SYNPO2: variants seen among roughly 807,000 people sequenced by gnomAD.
SYNPO2 encodes the protein synaptopodin-2.
In SYNPO2, 56 loss-of-function variants were observed where a neutral mutation model predicts 85.0. The observed-to-expected ratio is 0.66, with a 90% CI of 0.53 to 0.82. SYNPO2 has a LOEUF of 0.82. Among genes scored for constraint, SYNPO2 ranks in the 40% least tolerant of loss-of-function variants. SYNPO2 has a pLI of 0.00. For missense variants in SYNPO2, 1,575 were observed against 1,534.2 expected (o/e 1.03, Z -0.44); for synonymous variants, 602 against 591.1 (o/e 1.02, Z -0.27).
intron 1 of SYNPO2, among the ~76,000 whole-genome samples, chr4:118,877,015 A>G (rs1271401680): frequency 1.3e-5 from 2 of 151,372 alleles, no homozygotes; most frequent in African/African-American, 4.9e-5. Context: ...TATGTTGCCT[A>G]GGCTGGTCTT....
intron 1 of SYNPO2, among the ~76,000 whole-genome samples, chr4:119,007,233 T>TTTATATAC (rs1468331450): frequency 2.4e-5 from 1 of 42,090 alleles, no homozygotes; most frequent in African/African-American, 9.9e-5. Context: ...TATATATATA[T>TTTATATAC]ATATATATAT....
At chr4:118,951,741 A>C (rs994347586) in intron 1 of SYNPO2, among the ~76,000 whole-genome samples, 1 of 152,228 alleles carries the variant, frequency 6.6e-6, no homozygotes, top group Non-Finnish European at 1.5e-5. Flanking sequence ...TGAATTTTTC[A>C]TAATAAAATT....
chr4:118,869,430 G>A (rs533682463), intron 1 of SYNPO2, among the ~76,000 whole-genome samples: 7 of 152,268 alleles, frequency 4.6e-5, no homozygotes, highest in African/African-American at 1.4e-4. Flanking sequence ...TTGAAATCTG[G>A]AAATATAAAA....
chr4:118,851,504 CAA>C (rs1314106884), intron 1 of SYNPO2, among the ~76,000 whole-genome samples: 1 of 151,842 alleles, frequency 6.6e-6, no homozygotes, highest in Admixed American at 6.6e-5. Flanking sequence ...AAACAAAAAA[CAA>C]AAACGAAGAT....
At chr4:119,056,026 A>G (rs956899826) in intron 4 of SYNPO2, among the ~76,000 whole-genome samples, 6 of 152,202 alleles carry the variant, frequency 3.9e-5, no homozygotes, top group African/African-American at 1.4e-4. Context: ...ATTAGAGCAC[A>G]TTTTTAAGCA....
At chr4:118,892,104 C>G (rs1465465122) in intron 1 of SYNPO2, among the ~76,000 whole-genome samples, 1 of 152,098 alleles carries the variant, frequency 6.6e-6, no homozygotes, top group African/African-American at 2.4e-5. Context: ...TATTTAGTCA[C>G]TTCTGAGATA....
intron 1 of SYNPO2, among the ~76,000 whole-genome samples, chr4:118,855,298 G>A (rs1235773496): frequency 6.6e-6 from 1 of 152,016 alleles, no homozygotes; most frequent in Non-Finnish European, 1.5e-5. Flanking sequence ...AAATTTAAGA[G>A]AATCTAAATT....
chr4:119,060,794 G>T lies in SYNPO2; in HGVS notation c.*2860G>T, dbSNP rs1739387168. On this transcript the variant is annotated 3_prime_UTR_variant, in exon 5 of 5. Coordinates refer to ENST00000307142, the MANE Select transcript of SYNPO2 (RefSeq NM_133477.3). ...CTTTTCCTCCTTCTTAGGTTTAAAT[G>T]TTATACCAATGCATGTGTTTGAAAT... is the stretch of plus-strand genomic sequence containing the variant. 6.6e-6 allele frequency: 1 copy of T among 152,162 alleles called. No homozygotes were observed. Among genetic ancestry groups the T allele is most frequent in the Non-Finnish European group, 1.5e-5 (1 of 68,010 alleles). The allele number at this position is 152,162 out of a possible 1,614,324, so 9.4% of individuals were successfully genotyped here.
At chr4:119,050,757 C>T (rs1375080013) in intron 4 of SYNPO2, among the ~76,000 whole-genome samples, 1 of 152,128 alleles carries the variant, frequency 6.6e-6, no homozygotes, top group Non-Finnish European at 1.5e-5. Context: ...TAAAGATTGG[C>T]GTGTGCTCTC....
chr4:119,033,662 C>G, intron 4 of SYNPO2: 1 of 985,356 alleles, frequency 1.0e-6, no homozygotes, highest in Non-Finnish European at 1.2e-6. Flanking sequence ...TGTATTCCTG[C>G]TCTTTTTCTG....
At chr4:118,979,602 T>A (rs1735930744) in intron 1 of SYNPO2, among the ~76,000 whole-genome samples, 1 of 152,252 alleles carries the variant, frequency 6.6e-6, no homozygotes, top group East Asian at 1.9e-4. Context: ...TGACAATGTC[T>A]TGCCAATGAT....
At chr4:118,933,980 T>G (rs912324192) in intron 1 of SYNPO2, among the ~76,000 whole-genome samples, 6 of 152,108 alleles carry the variant, frequency 3.9e-5, no homozygotes, top group African/African-American at 1.4e-4. Flanking sequence ...TGGTTTATTC[T>G]GAAAGAGATA....
rs569471054 is a variant in SYNPO2, at chr4:119,049,184, A to G, written c.3253-8217A>G. 3.9e-5 allele frequency among the ~76,000 whole-genome samples: 6 copies of G among 152,344 alleles called. No homozygotes were observed. The East Asian group carries it at 1.2e-3, about 29-fold the overall frequency. ...GTCAACACTGATTCCCAAAATTTCA[A>G]CTTGAGCAAATGGAAAAATGGAGAA... is the stretch of plus-strand genomic sequence containing the variant. On this transcript the variant is annotated intron_variant, in intron 4 of 4. Coordinates refer to ENST00000307142, the MANE Select transcript of SYNPO2 (RefSeq NM_133477.3).
intron 1 of SYNPO2, among the ~76,000 whole-genome samples, chr4:118,961,244 G>A (rs530911500): frequency 2.0e-5 from 3 of 151,998 alleles, no homozygotes; most frequent in Admixed American, 1.3e-4. Flanking sequence ...ATATCCCCCC[G>A]CAACAGAGAA....
At chr4:118,985,186 AG>A (rs1417508432) in intron 1 of SYNPO2, among the ~76,000 whole-genome samples, 16 of 41,490 alleles carry the variant, frequency 3.9e-4, no homozygotes, top group African/African-American at 1.3e-3. Context: ...AGTAGGATGT[AG>A]CAGGGTTTGG....
chr4:119,000,151 C>T (rs1449768220), intron 1 of SYNPO2, among the ~76,000 whole-genome samples: 1 of 152,192 alleles, frequency 6.6e-6, no homozygotes, highest in Non-Finnish European at 1.5e-5. Context: ...GACAGCCTTC[C>T]TGTTATCACA....
At chr4:119,051,281 C>T (rs950235018) in intron 4 of SYNPO2, among the ~76,000 whole-genome samples, 1 of 140,336 alleles carries the variant, frequency 7.1e-6, no homozygotes, top group Non-Finnish European at 1.5e-5. Context: ...GCTCCGCCTC[C>T]CGGGTTCACG....
intron 1 of SYNPO2, among the ~76,000 whole-genome samples, chr4:118,979,526 C>T (rs1735927038): frequency 6.6e-6 from 1 of 152,192 alleles, no homozygotes; most frequent in Non-Finnish European, 1.5e-5. Flanking sequence ...CAACTTTTTA[C>T]TAGATTGCAT....
chr4:118,991,767 T>C (rs1452315830), intron 1 of SYNPO2, among the ~76,000 whole-genome samples: 1 of 152,186 alleles, frequency 6.6e-6, no homozygotes, highest in African/African-American at 2.4e-5. Context: ...GGAGGACTTC[T>C]GGCCTCATAT....
Sources: allele counts gnomAD v4.1 joint callset (sites outside exome capture counted in the v4.1 genomes callset), GRCh38; gene constraint gnomAD v4.1.1; transcripts MANE v1.5; gene names NCBI Gene and HGNC (gene_info 2026-07-23, HGNC 2026-07-21).